Variants in ZER1 observed in about 807,000 individuals in gnomAD.
The protein encoded by ZER1 is zyg-11 related cell cycle regulator.
A neutral mutation model predicts 78.8 loss-of-function variants in ZER1; 11 were observed. The observed-to-expected ratio is 0.14, with a 90% CI of 0.09 to 0.23. The LOEUF (loss-of-function observed/expected upper bound fraction) is 0.23, where lower values mean the gene tolerates loss of function less well. Among genes scored for constraint, ZER1 ranks in the 10% least tolerant of loss-of-function variants. The pLI, the probability that ZER1 is intolerant of heterozygous loss-of-function variation, is 1.00. For synonymous variants in ZER1, 400 were observed against 407.0 expected (o/e 0.98, Z 0.21); for missense variants, 588 against 996.9 (o/e 0.59, Z 5.52).
At chr9:128,748,743 T>G (rs1402527474) in intron 8 of ZER1, among the ~76,000 whole-genome samples, 3 of 151,244 alleles carry the variant, frequency 2.0e-5, no homozygotes, top group Non-Finnish European at 4.4e-5. Context: ...AGCTAATTTG[T>G]GTATTTTTAG....
chr9:128,733,519 T>A lies in ZER1; in HGVS notation c.2150A>T (p.Tyr717Phe). The change falls in exon 15 of 16, where the codon TAC becomes TTC. Residue 717 changes from tyrosine (Y) to phenylalanine (F), a missense_variant. Transcript: ENST00000291900. ...CCCTTCTTTGATCAGCAGAGGGCAGTACTTGTCCGCTGTGGGATAGGAGCA... is the reference window on the plus strand; with the variant it reads ...CCCTTCTTTGATCAGCAGAGGGCAGAACTTGTCCGCTGTGGGATAGGAGCA... ...YNLVSVYPDK[Y>F]CPLLIKEGGM... is the part of the protein sequence containing the mutation. The A allele has an allele frequency of 6.2e-7, 1 of 1,613,282 alleles. No homozygotes were observed.
chr9:128,749,552 A>G (rs1863609806), intron 8 of ZER1, among the ~76,000 whole-genome samples: 1 of 152,140 alleles, frequency 6.6e-6, no homozygotes, highest in Non-Finnish European at 1.5e-5. Flanking sequence ...AGGCAGGTGG[A>G]TCACCTGAGG....
intron 1 of ZER1, among the ~76,000 whole-genome samples, chr9:128,756,596 T>C (rs1194870639): frequency 2.0e-5 from 3 of 152,194 alleles, no homozygotes; most frequent in Non-Finnish European, 2.9e-5. Flanking sequence ...TGCTATAATG[T>C]TGGACCTTGA....
intron 15 of ZER1, 47 bp from the exon 16 acceptor site, chr9:128,731,441 G>GGGGTTGGGGGGGGGGGGGGGGGGGGGCC: frequency 1.4e-6 from 1 of 704,910 alleles, no homozygotes; most frequent in Non-Finnish European, 2.6e-6. Flanking sequence ...CTTGGGTGGG[G>GGGGTTGGGGGGGGGGGGGGGGGGGGGCC]GTGAGCCCAG....
chr9:128,731,531 G>T (rs1862821508), intron 15 of ZER1, 137 bp from the exon 16 acceptor site: 1 of 675,636 alleles, frequency 1.5e-6, no homozygotes, highest in Admixed American at 2.5e-5. Flanking sequence ...TGGACAGAGG[G>T]GCTGGCAGAG....
chr9:128,752,545 T>C lies in ZER1; in HGVS notation c.923+128A>G, dbSNP rs10121417. The C allele has an allele frequency of 6.5e-3, 6,826 of 1,048,460 alleles. 304 individuals carry two copies. In the African/African-American group the frequency reaches 0.093, roughly 14 times the overall value. 64.9% of individuals were successfully genotyped at this position (1,048,460 alleles called of 1,614,324 possible). A position where few individuals can be genotyped will look rare whatever the true frequency, so the allele number is the denominator to read the frequency against. ...CATGTTGGCCAGGCTGGTCTCTAAC[T>C]CCTGGCCTCAAGTGATCCGCCCATC... On this transcript the variant is annotated intron_variant, in intron 5 of 15. Coordinates refer to ENST00000291900, the MANE Select transcript of ZER1 (RefSeq NM_006336.4).
chr9:128,737,379 G>A (rs1401722557), intron 13 of ZER1, among the ~76,000 whole-genome samples: 4 of 152,162 alleles, frequency 2.6e-5, no homozygotes, highest in Non-Finnish European at 4.4e-5. Flanking sequence ...CTGGGCCAGC[G>A]ATTCCGCTTC....
intron 1 of ZER1, among the ~76,000 whole-genome samples, chr9:128,759,476 C>A (rs997489466): frequency 1.3e-5 from 2 of 151,666 alleles, no homozygotes; most frequent in Non-Finnish European, 2.9e-5. Flanking sequence ...CGTGCCTGGC[C>A]CGAATATTGT....
intron 15 of ZER1, 43 bp from the exon 16 acceptor site, chr9:128,731,437 T>TGGGGGGGTTTGGGGGGGGGGGTTGGGGG: frequency 1.3e-5 from 6 of 451,572 alleles, no homozygotes; most frequent in East Asian, 4.9e-5. Flanking sequence ...TGGGCTTGGG[T>TGGGGGGGTTTGGGGGGGGGGGTTGGGGG]GGGGGTGAGC....
Position 128,750,573 on chromosome 9 carries a change from G to T in ZER1, c.1359+43C>A, listed in dbSNP as rs139754044. The T allele has an allele frequency of 2.9e-4, 463 of 1,601,076 alleles. 1 individual carries two copies. In the African/African-American group the frequency reaches 5.0e-3, roughly 17 times the overall value. On this transcript the variant is annotated intron_variant, in intron 8 of 15. Transcript: ENST00000291900. Reference sequence around the variant, plus strand: ...GGGACGCAAGAAGCAGGAAAGGGGTGGCTGGGCCAGAGCATGCGGGGCCGT... The same window carrying T: ...GGGACGCAAGAAGCAGGAAAGGGGTTGCTGGGCCAGAGCATGCGGGGCCGT...
At chr9:128,731,850 C>G (rs962442318) in intron 15 of ZER1, among the ~76,000 whole-genome samples, 2 of 152,226 alleles carry the variant, frequency 1.3e-5, no homozygotes, top group African/African-American at 4.8e-5. Context: ...GGTCCAGGGT[C>G]GGGCAGGGGC....
Position 128,751,391 on chromosome 9 carries a change from C to G in ZER1, c.1038+22G>C. On this transcript the variant is annotated intron_variant, in intron 6 of 15. Coordinates refer to ENST00000291900, the MANE Select transcript of ZER1 (RefSeq NM_006336.4). The surrounding 1 kb of genome is among the most constrained non-coding windows in gnomAD (Gnocchi z 5.4). ...TCTCCCAAGGCTCCCTGGCCCAGAC[C>G]CATCCCACTTCCACTGCTCACTTTG... is the stretch of plus-strand genomic sequence containing the variant. 1 of 1,614,016 alleles carries G rather than the reference C, an allele frequency of 6.2e-7. No homozygotes were observed. The highest frequency in any genetic ancestry group is 1.3e-5 in the African/African-American group (1 of 75,056).
intron 7 of ZER1, 21 bp from the exon 8 acceptor site, chr9:128,750,810 C>G: frequency 6.2e-7 from 1 of 1,613,604 alleles, no homozygotes; most frequent in Non-Finnish European, 8.5e-7. Flanking sequence ...ACAAGGGGGA[C>G]CTGGGCTGGC....
rs766026833 is a variant in ZER1, at chr9:128,750,663, C to T, written c.1312G>A (p.Val438Ile). 24 of 1,614,118 alleles carry T rather than the reference C, an allele frequency of 1.5e-5. No individual in the cohort carries two copies. In the Admixed American group the frequency reaches 3.7e-4, roughly 25 times the overall value. Reference protein sequence around the residue: ...SEQSVKLRRQVIQVVLNGMES... With the variant: ...SEQSVKLRRQIIQVVLNGMES... ...ATGCCATTCAGCACCACCTGGATAACCTGCCGGCGCAGCTTCACACTCTGC... is the reference window on the plus strand; with the variant it reads ...ATGCCATTCAGCACCACCTGGATAATCTGCCGGCGCAGCTTCACACTCTGC... The change falls in exon 8 of 16, where the codon GTT becomes ATT. Residue 438 changes from valine (V) to isoleucine (I), a missense_variant. Around this residue, in one of 3 missense-constraint regions of ZER1, gnomAD observed 406 missense variants for 660.1 expected, o/e 0.62. Coordinates refer to ENST00000291900, the MANE Select transcript of ZER1 (RefSeq NM_006336.4).
Position 128,751,654 on chromosome 9 carries a change from T to C in ZER1, c.924-127A>G, listed in dbSNP as rs1423447777. 1.4e-6 allele frequency: 1 copy of C among 719,462 alleles called. No individual in the cohort carries two copies. Among genetic ancestry groups the C allele is most frequent in the African/African-American group, 1.8e-5 (1 of 56,584 alleles). 44.6% of individuals were successfully genotyped at this position (719,462 alleles called of 1,614,324 possible). ...CCTCCAACCTCATCCCCTACTCCTT[T>C]TGTTTTTAATGGTAGGGGACATAAG... is the stretch of plus-strand genomic sequence containing the variant. On this transcript the variant is annotated intron_variant, in intron 5 of 15. Coordinates refer to ENST00000291900, the MANE Select transcript of ZER1 (RefSeq NM_006336.4). This position sits in a 1 kb window ranked among gnomAD's most constrained non-coding sequence, Gnocchi z 5.4.
chr9:128,756,380 C>T (rs1863860757), intron 1 of ZER1, among the ~76,000 whole-genome samples: 1 of 152,116 alleles, frequency 6.6e-6, no homozygotes, highest in Non-Finnish European at 1.5e-5. Context: ...GGTGAGCCGA[C>T]ACCCTGCCAC....
Position 128,738,479 on chromosome 9 carries a change from A to G in ZER1, c.2042+1452T>C, listed in dbSNP as rs533827903. On this transcript the variant is annotated intron_variant, in intron 13 of 15. Transcript: ENST00000291900. ...CGGCTAACTGCAAGCTCCGCCTCCC[A>G]GGTTCACACCATTCTCCTGCCTCAG... Among the ~76,000 whole-genome samples the G allele has an allele frequency of 8.9e-5, 13 of 146,338 alleles. No individual in the cohort carries two copies. In the East Asian group the frequency reaches 2.1e-3, roughly 23 times the overall value.
chr9:128,760,482 G>A (rs1461289031), intron 1 of ZER1, among the ~76,000 whole-genome samples: 4 of 152,152 alleles, frequency 2.6e-5, no homozygotes, highest in East Asian at 1.9e-4. Flanking sequence ...GATTACAGGC[G>A]TGAGCCACCG....
At chr9:128,766,871 C>T (rs1484557854) in intron 1 of ZER1, among the ~76,000 whole-genome samples, 1 of 136,530 alleles carries the variant, frequency 7.3e-6, no homozygotes, top group Non-Finnish European at 1.6e-5. Context: ...AAAAAAAAGA[C>T]CCAGTGTGTC....
Sources: gnomAD v4.1 joint callset for allele counts (sites outside exome capture counted in the v4.1 genomes callset) on GRCh38, gnomAD v4.1.1 for gene constraint, gnomAD v4.1.1 regional missense constraint, Gnocchi (gnomAD v3.1) non-coding constraint, MANE v1.5 for transcripts, NCBI Gene and HGNC (gene_info 2026-07-23, HGNC 2026-07-21) for gene names.